The following TAF4B variants were observed in gnomAD, a reference collection of about 807,000 sequenced individuals.
TAF4B encodes the protein transcription initiation factor TFIID subunit 4B.
In TAF4B, 38 loss-of-function variants were observed where a neutral mutation model predicts 86.4. The ratio of observed to expected loss-of-function variants is 0.44; its 90% CI spans 0.34 to 0.58. The LOEUF is 0.58. Among genes scored for constraint, TAF4B ranks in the 20% least tolerant of loss-of-function variants. The pLI is 0.02. For missense variants in TAF4B, 988 were observed against 1,027.6 expected, an observed-to-expected ratio of 0.96 and a Z score of 0.53; for synonymous variants, 388 against 391.2, an observed-to-expected ratio of 0.99 and a Z score of 0.10.
At chr18:26,253,519 G>A (rs1471792827) in intron 1 of TAF4B, among the ~76,000 whole-genome samples, 1 of 152,096 alleles carries the variant, frequency 6.6e-6, no homozygotes, top group Non-Finnish European at 1.5e-5. Context: ...TATCCATAAG[G>A]GATATTGACC....
intron 1 of TAF4B, chr18:26,255,552 A>C: frequency 1.8e-6 from 1 of 546,388 alleles, no homozygotes; most frequent in South Asian, 2.8e-5. Flanking sequence ...CAGTGAGCCA[A>C]GATCACGCCA....
chr18:26,355,894 T>C (rs1359358587), intron 13 of TAF4B, among the ~76,000 whole-genome samples: 1 of 152,250 alleles, frequency 6.6e-6, no homozygotes, highest in East Asian at 1.9e-4. Flanking sequence ...AGATATTTTA[T>C]AACTTCTGAA....
intron 9 of TAF4B, among the ~76,000 whole-genome samples, chr18:26,314,856 A>C (rs1191511473): frequency 6.6e-6 from 1 of 152,124 alleles, no homozygotes; most frequent in East Asian, 1.9e-4. Flanking sequence ...TGTAACTCCA[A>C]ATGCCTCTTG....
At chr18:26,282,424 A>G (rs756077239) in intron 6 of TAF4B, among the ~76,000 whole-genome samples, 1 of 152,244 alleles carries the variant, frequency 6.6e-6, no homozygotes, top group Non-Finnish European at 1.5e-5. Context: ...AATGCATATA[A>G]AACTTTATGG....
intron 14 of TAF4B, among the ~76,000 whole-genome samples, chr18:26,373,442 CTTTAAT>C (rs1294390924): frequency 4.6e-5 from 7 of 151,942 alleles, no homozygotes; most frequent in African/African-American, 1.7e-4. Context: ...CTGCCTTCCT[CTTTAAT>C]TTTAATTTTT....
chr18:26,317,000 A>G (rs916970707), intron 10 of TAF4B, among the ~76,000 whole-genome samples: 1 of 148,644 alleles, frequency 6.7e-6, no homozygotes, highest in Non-Finnish European at 1.5e-5. Context: ...GTAGATACTT[A>G]GTTTTATCGG....
chr18:26,334,752 A>C (rs1310986192), intron 12 of TAF4B, among the ~76,000 whole-genome samples: 1 of 152,208 alleles, frequency 6.6e-6, no homozygotes, highest in East Asian at 1.9e-4. Flanking sequence ...TCTTGATTTT[A>C]ATAGTCCTCG....
chr18:26,295,070 T>C (rs937595188), intron 9 of TAF4B: 3 of 155,990 alleles, frequency 1.9e-5, no homozygotes, highest in Non-Finnish European at 2.7e-5. Flanking sequence ...ATCTTAAATA[T>C]ATATAATATA....
chr18:26,327,646 C>T (rs1045243019), intron 12 of TAF4B, among the ~76,000 whole-genome samples: 3 of 152,226 alleles, frequency 2.0e-5, no homozygotes, highest in African/African-American at 7.2e-5. Context: ...TCTCGGCTTA[C>T]TGCAACCTCT....
rs1345570626 is a variant in TAF4B at position 26,294,652 on chromosome 18, CAT to C, written c.1832+1124_1832+1125del. ...AACATTTGTATATATATGTATCATA[CAT>C]ATTTATTTATGAATATTTATATTAA... On this transcript the variant is annotated intron_variant, in intron 9 of 14. Transcript: ENST00000269142. 3.9e-4 allele frequency among the ~76,000 whole-genome samples: 49 copies of C among 126,300 alleles called. 1 individual carries two copies. In the East Asian group the frequency reaches 0.01, roughly 26 times the overall value. 82.9% of individuals were successfully genotyped at this position (126,300 alleles called of 152,430 possible).
intron 9 of TAF4B, among the ~76,000 whole-genome samples, chr18:26,306,204 C>T (rs2056793076): frequency 1.3e-5 from 2 of 152,004 alleles, no homozygotes; most frequent in African/African-American, 4.8e-5. Flanking sequence ...TTGGGGGGTA[C>T]ATAGGCGTAT....
rs1483733859 is a variant in TAF4B at position 26,272,072 on chromosome 18, A to G, written c.598-2591A>G. ...TTGAATCTCGGGTCACCACACAGGA[A>G]CAGGAGAGGCCAGGCTCCTCCCCCT... On this transcript the variant is annotated intron_variant, in intron 3 of 14. Transcript: ENST00000269142. Among the ~76,000 whole-genome samples, 3 of 151,610 alleles carry G rather than the reference A, an allele frequency of 2.0e-5. No individual in the cohort carries two copies. In the East Asian group the frequency reaches 5.8e-4, roughly 30 times the overall value.
At chr18:26,263,460 T>A in intron 1 of TAF4B, among the ~76,000 whole-genome samples, 1 of 152,316 alleles carries the variant, frequency 6.6e-6, no homozygotes, top group South Asian at 2.1e-4. Context: ...TGAAGTGATA[T>A]TTCACTGTGG....
chr18:26,335,147 C>A, intron 12 of TAF4B, 28 bp from the exon 13 acceptor site: 1 of 1,538,802 alleles, frequency 6.5e-7, no homozygotes, highest in Non-Finnish European at 9.0e-7. Context: ...CTAGTAATTT[C>A]TATTAAAATT....
chr18:26,239,052 A>G (rs1182321674), intron 1 of TAF4B, among the ~76,000 whole-genome samples: 1 of 152,198 alleles, frequency 6.6e-6, no homozygotes, highest in Non-Finnish European at 1.5e-5. Context: ...GTAAACACAC[A>G]TGTGCGTGTG....
chr18:26,355,801 A>G (rs1005478938), intron 13 of TAF4B, among the ~76,000 whole-genome samples: 1 of 152,182 alleles, frequency 6.6e-6, no homozygotes, highest in African/African-American at 2.4e-5. Flanking sequence ...TAAAATCATT[A>G]TTTTGTCACC....
chr18:26,229,486 CT>C (rs1218303800), intron 1 of TAF4B, among the ~76,000 whole-genome samples: 8 of 124,466 alleles, frequency 6.4e-5, no homozygotes, highest in African/African-American at 2.5e-4. Flanking sequence ...TTATATCTTT[CT>C]TTCTTTCTTT....
At chr18:26,326,418 C>G (rs540675190) in intron 11 of TAF4B, among the ~76,000 whole-genome samples, 79 of 152,258 alleles carry the variant, frequency 5.2e-4, no homozygotes, top group Middle Eastern at 6.8e-3. Flanking sequence ...CAAATTCACA[C>G]CCCTGAGTAA....
intron 11 of TAF4B, among the ~76,000 whole-genome samples, chr18:26,324,333 A>G (rs910569408): frequency 3.9e-5 from 6 of 152,178 alleles, no homozygotes; most frequent in African/African-American, 1.4e-4. Context: ...GCTGGTCTCA[A>G]ACTCCTGGCC....
Sources: gnomAD v4.1 joint callset for allele counts (sites outside exome capture counted in the v4.1 genomes callset) on GRCh38, gnomAD v4.1.1 for gene constraint, MANE v1.5 for transcripts, NCBI Gene and HGNC (gene_info 2026-07-23, HGNC 2026-07-21) for gene names.